Variants in TGFBR3 observed in about 807,000 individuals in gnomAD.
TGFBR3 encodes transforming growth factor beta receptor type 3.
TGFBR3 carries 46 observed loss-of-function variants against 87.9 expected under a neutral mutation model. That is an observed-to-expected ratio of 0.52 (90% confidence interval 0.41 to 0.67). The LOEUF is 0.67. TGFBR3 is among the 30% of genes least tolerant of loss of function. The probability of loss-of-function intolerance (pLI) is 0.00; values close to 1 mark genes in which losing one functional copy is unlikely to be tolerated. For missense variants in TGFBR3, 866 were observed against 1,041.9 expected (o/e 0.83, Z 2.32); for synonymous variants, 381 against 391.6 (o/e 0.97, Z 0.32).
chr1:91,882,530 G>A (rs909396423), intron 1 of TGFBR3, among the ~76,000 whole-genome samples: 10 of 151,944 alleles, frequency 6.6e-5, no homozygotes, highest in African/African-American at 1.2e-4. Context: ...GGATCACAAG[G>A]TCAGGAGATC....
upstream of TGFBR3, among the ~76,000 whole-genome samples, chr1:91,888,742 C>T (rs6676301): frequency 0.91 from 138,681 of 152,206 alleles, 63,957 homozygotes; most frequent in Non-Finnish European, 0.99. Flanking sequence ...ATGTTAAGGC[C>T]TTCTAAATAA....
rs17881837 is a variant in TGFBR3 at position 91,718,135 on chromosome 1, G to A, written c.1566+1177C>T. The stretch of plus-strand genomic sequence containing the variant: ...TCTAGGAAAGATTAGTGGACAAGAG[G>A]TCAGGAAGTTGGATTCAGTCGTCCT... On this transcript the variant is annotated intron_variant, in intron 10 of 16. Coordinates refer to ENST00000212355, the MANE Select transcript of TGFBR3 (RefSeq NM_003243.5). Among the ~76,000 whole-genome samples the A allele has an allele frequency of 6.0e-4, 91 of 152,250 alleles. 1 individual carries two copies. The East Asian group carries it at 9.8e-3, about 16-fold the overall frequency.
chr1:91,803,235 GCTCA>G (rs1421603497), intron 2 of TGFBR3, among the ~76,000 whole-genome samples: 1 of 152,178 alleles, frequency 6.6e-6, no homozygotes, highest in African/African-American at 2.4e-5. Context: ...GCACAGAAGT[GCTCA>G]CTGTCTCCCT....
chr1:91,697,312 C>G (rs955376680), intron 15 of TGFBR3, among the ~76,000 whole-genome samples: 1 of 152,156 alleles, frequency 6.6e-6, no homozygotes, highest in Non-Finnish European at 1.5e-5. Context: ...TTATGAAGTG[C>G]TTTGTGAAAG....
At chr1:91,842,671 T>C (rs1677330157) in intron 2 of TGFBR3, among the ~76,000 whole-genome samples, 1 of 152,152 alleles carries the variant, frequency 6.6e-6, no homozygotes, top group Non-Finnish European at 1.5e-5. Context: ...CATAATAAGG[T>C]TGTTCTAGCT....
At chr1:91,710,298 C>T (rs1047490574) in intron 13 of TGFBR3, among the ~76,000 whole-genome samples, 1 of 152,182 alleles carries the variant, frequency 6.6e-6, no homozygotes, top group African/African-American at 2.4e-5. Context: ...AAGCCTTTAA[C>T]AAGAGCCCTC....
chr1:91,781,594 T>C (rs1375906776), intron 3 of TGFBR3, among the ~76,000 whole-genome samples: 1 of 152,028 alleles, frequency 6.6e-6, no homozygotes, highest in South Asian at 2.1e-4. Flanking sequence ...ATAGGAAACA[T>C]ATGTAGGACG....
Position 91,729,800 on chromosome 1 carries a change from C to T in TGFBR3, c.737+5G>A, listed in dbSNP as rs1672698226. ...TGTCACACTCACACACTTAGACTCA[C>T]TTACCTGTAGGGGTTAGAGTTGGGG... On this transcript the variant is annotated splice_donor_5th_base_variant and intron_variant, in intron 6 of 16. Coordinates refer to ENST00000212355, the MANE Select transcript of TGFBR3 (RefSeq NM_003243.5). The T allele has an allele frequency of 6.2e-7, 1 of 1,614,048 alleles. No homozygotes were observed.
intron 1 of TGFBR3, among the ~76,000 whole-genome samples, chr1:91,904,562 G>A (rs1396895018): frequency 8.3e-6 from 1 of 121,182 alleles, no homozygotes; most frequent in Non-Finnish European, 1.8e-5. Context: ...ACATGCAGCT[G>A]ATTTTTTTTT....
At chr1:91,786,269 G>T in intron 3 of TGFBR3, 1 of 456,112 alleles carries the variant, frequency 2.2e-6, no homozygotes, top group South Asian at 1.6e-5. Context: ...GCATTATTTA[G>T]AGAAGTTTGG....
intron 1 of TGFBR3, among the ~76,000 whole-genome samples, chr1:91,884,275 G>A (rs1679208797): frequency 6.6e-6 from 1 of 150,714 alleles, no homozygotes; most frequent in East Asian, 1.9e-4. Context: ...AGCCGAGATC[G>A]CACCACTGCA....
At chr1:91,799,125 T>A (rs1484009043) in intron 2 of TGFBR3, among the ~76,000 whole-genome samples, 1 of 152,186 alleles carries the variant, frequency 6.6e-6, no homozygotes, top group Non-Finnish European at 1.5e-5. Flanking sequence ...ATAATAAAGG[T>A]ACCCTCCAGG....
intron 3 of TGFBR3, among the ~76,000 whole-genome samples, chr1:91,768,247 G>A (rs1208438604): frequency 6.6e-6 from 1 of 151,028 alleles, no homozygotes; most frequent in East Asian, 1.9e-4. Context: ...TTTGTGTCCA[G>A]AGGATATTAC....
chr1:91,773,173 G>A (rs964641359), intron 3 of TGFBR3, among the ~76,000 whole-genome samples: 7 of 152,000 alleles, frequency 4.6e-5, no homozygotes, highest in African/African-American at 1.7e-4. Flanking sequence ...GAGGACAAGA[G>A]TTTGAGACCA....
At chr1:91,700,513 G>A (rs1671582742) in intron 14 of TGFBR3, among the ~76,000 whole-genome samples, 1 of 152,186 alleles carries the variant, frequency 6.6e-6, no homozygotes, top group Non-Finnish European at 1.5e-5. Flanking sequence ...GAATGCTACT[G>A]GATGAATCAG....
At chr1:91,688,529 G>A (rs1225050292) in intron 16 of TGFBR3, among the ~76,000 whole-genome samples, 1 of 152,138 alleles carries the variant, frequency 6.6e-6, no homozygotes, top group East Asian at 1.9e-4. Context: ...ATTAGGGTGA[G>A]CGTACTTAAA....
At chr1:91,697,846 C>T (rs1303504495) in intron 15 of TGFBR3, among the ~76,000 whole-genome samples, 1 of 151,674 alleles carries the variant, frequency 6.6e-6, no homozygotes, top group Non-Finnish European at 1.5e-5. Flanking sequence ...GCCATACATG[C>T]CAATGGATCA....
chr1:91,726,790 CAAAAAA>C (rs199939529), intron 7 of TGFBR3, among the ~76,000 whole-genome samples: 11 of 90,576 alleles, frequency 1.2e-4, no homozygotes, highest in East Asian at 1.2e-3. Flanking sequence ...AGAGATTGGC[CAAAAAA>C]AAAAAAAAAA....
In TGFBR3 at chr1:91,682,352, A is replaced by G. The variant is rs530180883; in HGVS notation, c.*1387T>C. 1 of 453,236 alleles carries G rather than the reference A, an allele frequency of 2.2e-6. No individual in the cohort carries two copies. Among genetic ancestry groups the G allele is most frequent in the South Asian group, 1.6e-5 (1 of 64,434 alleles). 28.1% of individuals were successfully genotyped at this position (453,236 alleles called of 1,614,324 possible). Reference sequence around the variant, plus strand: ...TCTGGAAAAAGAATAATTTGCAATGAAGCTATCTTCAGCAGTAAAATAATT... The same window carrying G: ...TCTGGAAAAAGAATAATTTGCAATGGAGCTATCTTCAGCAGTAAAATAATT... On this transcript the variant is annotated 3_prime_UTR_variant, in exon 17 of 17. Coordinates refer to ENST00000212355, the MANE Select transcript of TGFBR3 (RefSeq NM_003243.5).
Sources: gnomAD v4.1 joint callset for allele counts (sites outside exome capture counted in the v4.1 genomes callset) on GRCh38, gnomAD v4.1.1 for gene constraint, MANE v1.5 for transcripts, NCBI Gene and HGNC (gene_info 2026-07-23, HGNC 2026-07-21) for gene names.